The following TDRD6 variants were observed in gnomAD, a reference collection of about 807,000 sequenced individuals.
TDRD6 encodes the protein tudor domain containing 6.
TDRD6 carries 186 observed loss-of-function variants against 157.5 expected under a neutral mutation model. The observed-to-expected ratio is 1.18, with a 90% confidence interval of 1.05 to 1.33. TDRD6 has a LOEUF of 1.33. TDRD6 is among the 40% of genes most tolerant of loss of function. The pLI, the probability that TDRD6 is intolerant of heterozygous loss-of-function variation, is 0.00. For synonymous variants in TDRD6, 1,075 were observed against 945.2 expected, an observed-to-expected ratio of 1.14 and a Z score of -2.52; for missense variants, 3,066 against 2,508.0, an observed-to-expected ratio of 1.22 and a Z score of -4.75.
chr6:46,694,166 A>T lies in TDRD6; in HGVS notation c.6038A>T (p.His2013Leu). Residue 2013 changes from histidine (H) to leucine (L), a missense_variant, in exon 1 of 4, where the codon CAT becomes CTT. Coordinates refer to ENST00000316081, the MANE Select transcript of TDRD6 (RefSeq NM_001010870.3). ...GSKHNNGLPD[H>L]ISAQLQNTYT... ...AAGCACAATAATGGTTTACCAGATC[A>T]TATCTCAGGTATGTGAATTTTTTTT... 4.6e-6 allele frequency: 7 copies of T among 1,522,478 alleles called. No individual in the cohort carries two copies. Among genetic ancestry groups the T allele is most frequent in the Non-Finnish European group, 6.1e-6 (7 of 1,139,994 alleles). 94.3% of individuals were successfully genotyped at this position (1,522,478 alleles called of 1,614,324 possible). A position where few individuals can be genotyped will look rare whatever the true frequency, so the allele number is the denominator to read the frequency against.
chr6:46,687,578 C>G (rs555110961), upstream of TDRD6: 1 of 152,240 alleles, frequency 6.6e-6, no homozygotes, highest in East Asian at 1.9e-4. Flanking sequence ...TCGTTCCCGT[C>G]GGGAACGCCA....
In TDRD6 at chr6:46,693,425, G is replaced by A; in HGVS notation, c.5297G>A (p.Ser1766Asn). Residue 1766 changes from serine (S) to asparagine (N), a missense_variant, in exon 1 of 4, where the codon AGT (serine) becomes AAT (asparagine). Physicochemically the swap from Ser to Asn is conservative, Grantham distance 46. Transcript: ENST00000316081. ...KDVNIIGTKP[S>N]NFRDPKTDNI... ...GTAAACATTATTGGAACCAAACCAA[G>A]TAACTTCCGTGACCCTAAAACTGAT... The A allele has an allele frequency of 6.2e-7, 1 of 1,614,094 alleles. No individual in the cohort carries two copies. Among genetic ancestry groups the A allele is most frequent in the East Asian group, 2.2e-5 (1 of 44,872 alleles).
rs1335911334 is a variant in TDRD6 at position 46,688,265 on chromosome 6, T to A, written c.137T>A (p.Leu46Gln). 2.7e-6 allele frequency: 4 copies of A among 1,506,788 alleles called. No individual in the cohort carries two copies. Among genetic ancestry groups the A allele is most frequent in the Non-Finnish European group, 3.5e-6 (4 of 1,135,664 alleles). 93.3% of individuals were successfully genotyped at this position (1,506,788 alleles called of 1,614,324 possible). The change falls in exon 1 of 4, where the codon CTG becomes CAG. Residue 46 changes from leucine to glutamine, a missense_variant. Transcript: ENST00000316081. The stretch of plus-strand genomic sequence containing the variant: ...GAGCGGCGGGGCGAGTACCTGCGGC[T>A]GAGCCGGGAAATCCAGGAAGCGGCG... ...VGERRGEYLR[L>Q]SREIQEAAAT...
rs1764707196 is a variant in TDRD6 at position 46,704,280 on chromosome 6, A to G, written c.*2393A>G. 5 of 328,554 alleles carry G rather than the reference A, an allele frequency of 1.5e-5. No individual in the cohort carries two copies. The South Asian group carries it at 2.1e-4, about 14-fold the overall frequency. The allele number at this position is 328,554 out of a possible 1,614,324, so 20.4% of individuals were successfully genotyped here. ...AACAGTTTTTAACTTCGACACTGAAAAGGAATCATCTTTAAAATTAAAATT... is the reference window on the plus strand; with the variant it reads ...AACAGTTTTTAACTTCGACACTGAAGAGGAATCATCTTTAAAATTAAAATT... On this transcript the variant is annotated 3_prime_UTR_variant, in exon 4 of 4. Transcript: ENST00000316081.
chr6:46,691,853 CTG>C lies in TDRD6; in HGVS notation c.3728_3729del (p.Val1243GlyfsTer3), dbSNP rs1562056198. ...AACTTAGTCACTCAATATCAAGACT[CTG>C]TGGGAAATAAAAATAGTCAAGTGTT... On this transcript the variant is annotated frameshift_variant, in exon 1 of 4. Coordinates refer to ENST00000316081, the MANE Select transcript of TDRD6 (RefSeq NM_001010870.3). LOFTEE classifies it high-confidence loss of function. 6.9e-6 allele frequency: 11 copies of C among 1,595,186 alleles called. No homozygotes were observed. In the Middle Eastern group the frequency reaches 6.7e-4, roughly 98 times the overall value.
Position 46,688,294 on chromosome 6 carries a change from A to C in TDRD6, c.166A>C (p.Thr56Pro), listed in dbSNP as rs769865493. 6.0e-6 allele frequency: 9 copies of C among 1,496,948 alleles called. No individual in the cohort carries two copies. The South Asian group carries it at 1.2e-4, about 19-fold the overall frequency. The allele number at this position is 1,496,948 out of a possible 1,614,324, so 92.7% of individuals were successfully genotyped here. A position where few individuals can be genotyped will look rare whatever the true frequency, so the allele number is the denominator to read the frequency against. The change falls in exon 1 of 4, where the codon ACG (threonine) becomes CCG (proline). Residue 56 changes from threonine to proline, a missense_variant. By Grantham distance (38) the Thr-to-Pro change is conservative (BLOSUM62 -1). Coordinates refer to ENST00000316081, the MANE Select transcript of TDRD6 (RefSeq NM_001010870.3). ...CCGGGAAATCCAGGAAGCGGCGGCCACGCGCGGCCAGTGGGCGCTGGGCAG... is the reference window on the plus strand; with the variant it reads ...CCGGGAAATCCAGGAAGCGGCGGCCCCGCGCGGCCAGTGGGCGCTGGGCAG... ...LSREIQEAAATRGQWALGSAS... is the reference protein window; with the variant it reads ...LSREIQEAAAPRGQWALGSAS...
At position 46,693,491 on chromosome 6, in the gene TDRD6, TTGATAC is replaced by T. The variant is rs779837905; in HGVS notation, c.5367_5372del (p.Asp1789_Thr1790del). 9 of 1,613,732 alleles carry T rather than the reference TTGATAC, an allele frequency of 5.6e-6. No individual in the cohort carries two copies. Among genetic ancestry groups the T allele is most frequent in the African/African-American group, 1.3e-5 (1 of 74,874 alleles). On this transcript the variant is annotated inframe_deletion, in exon 1 of 4. Transcript: ENST00000316081. ...TTTGAAAACCCCTGCAAAGATAAAA[TTGATAC>T]TGAGGAACTGGAAGGTGAATTAGAG...
At chr6:46,694,455 G>A (rs1764442825) in intron 1 of TDRD6, among the ~76,000 whole-genome samples, 1 of 152,050 alleles carries the variant, frequency 6.6e-6, no homozygotes, top group African/African-American at 2.4e-5. Flanking sequence ...TTCTGCCTCA[G>A]CCTCCCAAAG....
rs780141271 is a variant in TDRD6, at chr6:46,692,263, C to T, written c.4135C>T (p.Pro1379Ser). The T allele has an allele frequency of 3.1e-6, 5 of 1,613,976 alleles. No homozygotes were observed. Among genetic ancestry groups the T allele is most frequent in the South Asian group, 1.1e-5 (1 of 91,068 alleles). ...TCGTGCTGTGATCAAGGAGCAACAACCCAATGACCTTCTCTCTGTGCAGTT... is the reference window on the plus strand; with the variant it reads ...TCGTGCTGTGATCAAGGAGCAACAATCCAATGACCTTCTCTCTGTGCAGTT... Reference protein sequence around the residue: ...WYRAVIKEQQPNDLLSVQFID... With the variant: ...WYRAVIKEQQSNDLLSVQFID... Residue 1379 changes from proline (P) to serine (S), a missense_variant, in exon 1 of 4, where the codon CCC becomes TCC. Pro to Ser is a moderately conservative substitution (Grantham distance 74). Coordinates refer to ENST00000316081, the MANE Select transcript of TDRD6 (RefSeq NM_001010870.3).
chr6:46,690,013 TTA>T lies in TDRD6; in HGVS notation c.1886_1887del (p.Leu629CysfsTer6). The T allele has an allele frequency of 6.2e-7, 1 of 1,613,830 alleles. No homozygotes were observed. Among genetic ancestry groups the T allele is most frequent in the Non-Finnish European group, 8.5e-7 (1 of 1,179,888 alleles). ...FFKKTVLHKE[L>X]VIHILDKQDH... ...TAAAAAGACTGTGCTCCACAAAGAA[TTA>T]GTCATCCATATTCTTGATAAACAGG... On this transcript the variant is annotated frameshift_variant, in exon 1 of 4. Coordinates refer to ENST00000316081, the MANE Select transcript of TDRD6 (RefSeq NM_001010870.3). LOFTEE classifies it high-confidence loss of function.
chr6:46,689,158 C>A lies in TDRD6; in HGVS notation c.1030C>A (p.Leu344Ile). Residue 344 changes from leucine (L) to isoleucine (I), a missense_variant, in exon 1 of 4, where the codon CTT becomes ATT. Coordinates refer to ENST00000316081, the MANE Select transcript of TDRD6 (RefSeq NM_001010870.3). ...TFRPQRCAQV[L>I]HVDYGRKELV... ...TCGGCCCCAGCGCTGTGCCCAGGTGCTTCATGTGGACTATGGAAGGAAGGA... is the reference window on the plus strand; with the variant it reads ...TCGGCCCCAGCGCTGTGCCCAGGTGATTCATGTGGACTATGGAAGGAAGGA... 3.1e-6 allele frequency: 5 copies of A among 1,614,204 alleles called. No homozygotes were observed. The highest frequency in any genetic ancestry group is 4.2e-6 in the Non-Finnish European group (5 of 1,180,040).
rs141422041 is a variant in TDRD6, at chr6:46,690,036, A to G, written c.1908A>G (p.Lys636=). The G allele has an allele frequency of 5.6e-5, 90 of 1,614,028 alleles. No homozygotes were observed. The African/African-American group carries it at 9.9e-4, about 18-fold the overall frequency. Residue 636 remains lysine, a synonymous_variant, in exon 1 of 4, where the codon AAA becomes AAG. Transcript: ENST00000316081. ...HKELVIHILD[K]QDHQYVIEIL... ...AATTAGTCATCCATATTCTTGATAA[A>G]CAGGATCATCAATATGTTATTGAGA...
In TDRD6 at chr6:46,688,563, G is replaced by A. The variant is rs758814821; in HGVS notation, c.435G>A (p.Glu145=). 2 of 1,587,618 alleles carry A rather than the reference G, an allele frequency of 1.3e-6. No individual in the cohort carries two copies. Among genetic ancestry groups the A allele is most frequent in the Non-Finnish European group, 1.7e-6 (2 of 1,173,758 alleles). Residue 145 remains glutamate (E), a synonymous_variant, in exon 1 of 4, where the codon GAG becomes GAA. Transcript: ENST00000316081. Reference sequence around the variant, plus strand: ...CAGGCTGCGGCGCGGGCTCAGGCGAGCCGCCGCAGCACTGGCCCGCCGACG... The same window carrying A: ...CAGGCTGCGGCGCGGGCTCAGGCGAACCGCCGCAGCACTGGCCCGCCGACG... ...VPAGCGAGSG[E]PPQHWPADAV... is the part of the protein sequence containing the mutation.
Position 46,693,531 on chromosome 6 carries a change from G to T in TDRD6, c.5403G>T (p.Leu1801=). 4 of 1,613,926 alleles carry T rather than the reference G, an allele frequency of 2.5e-6. No homozygotes were observed. The highest frequency in any genetic ancestry group is 3.4e-6 in the Non-Finnish European group (4 of 1,179,878). Residue 1801 remains leucine (L), a synonymous_variant, in exon 1 of 4, where the codon CTG becomes CTT. Transcript: ENST00000316081. The part of the protein sequence containing the change: ...EELEGELECH[L]VDKAEFDDKY... The stretch of plus-strand genomic sequence containing the variant: ...TGGAAGGTGAATTAGAGTGCCATCT[G>T]GTTGACAAAGCAGAGTTTGATGATA...
intron 1 of TDRD6, among the ~76,000 whole-genome samples, chr6:46,695,564 T>C (rs766618222): frequency 2.6e-5 from 4 of 152,130 alleles, no homozygotes; most frequent in African/African-American, 2.4e-5. Flanking sequence ...CGATTTTCAC[T>C]GTTAGAAATC....
At position 46,690,907 on chromosome 6, in the gene TDRD6, C is replaced by G. The variant is rs1036343465; in HGVS notation, c.2779C>G (p.Leu927Val). ...AGAATTAAAATGTACAATATTTGCT[C>G]TGGCTTCAATTAATGAAGAACTGTT... ...NLELKCTIFA[L>V]ASINEELFNI... The change falls in exon 1 of 4, where the codon CTG (leucine) becomes GTG (valine). Residue 927 changes from leucine (L) to valine (V), a missense_variant. Leu to Val is a conservative substitution (Grantham distance 32, BLOSUM62 1). Transcript: ENST00000316081. The G allele has an allele frequency of 1.2e-6, 2 of 1,614,058 alleles. No homozygotes were observed. Among genetic ancestry groups the G allele is most frequent in the Non-Finnish European group, 1.7e-6 (2 of 1,179,968 alleles).
At chr6:46,695,694 C>G in intron 1 of TDRD6, 127 bp from the exon 2 acceptor site, 2 of 887,952 alleles carry the variant, frequency 2.3e-6, no homozygotes, top group Non-Finnish European at 3.3e-6. Flanking sequence ...GACAGTCATA[C>G]CAATGTACTA....
chr6:46,686,478 A>T (rs1234610123), upstream of TDRD6, among the ~76,000 whole-genome samples: 4 of 70,596 alleles, frequency 5.7e-5, no homozygotes, highest in African/African-American at 2.0e-4. Flanking sequence ...GAAGTATGTA[A>T]AAAAAAAAAA....
upstream of TDRD6, among the ~76,000 whole-genome samples, chr6:46,687,060 A>G (rs1764115529): frequency 6.6e-6 from 1 of 152,250 alleles, no homozygotes; most frequent in Non-Finnish European, 1.5e-5. Flanking sequence ...GCAAATGAAC[A>G]AAAATCTAAT....
Sources: gnomAD v4.1 joint callset for allele counts (sites outside exome capture counted in the v4.1 genomes callset) on GRCh38, gnomAD v4.1.1 for gene constraint, MANE v1.5 for transcripts, NCBI Gene and HGNC (gene_info 2026-07-23, HGNC 2026-07-21) for gene names.